The following ROR1 variants were observed in gnomAD, a reference collection of about 807,000 sequenced individuals.
ROR1 encodes ROR family WNT receptor 1.
Under a neutral mutation model 78.8 loss-of-function variants are expected in ROR1, and 19 were observed. The observed-to-expected ratio is 0.24, with a 90% CI of 0.17 to 0.35. The LOEUF is 0.35. ROR1 is among the 10% of genes least tolerant of loss of function. The pLI is 1.00. For synonymous variants in ROR1, 386 were observed against 433.6 expected (o/e 0.89, Z 1.36); for missense variants, 917 against 1,177.8 (o/e 0.78, Z 3.24).
intron 2 of ROR1, among the ~76,000 whole-genome samples, chr1:64,046,385 T>C (rs1039619397): frequency 6.6e-6 from 1 of 152,232 alleles, no homozygotes; most frequent in African/African-American, 2.4e-5. Context: ...ATTCCCTGTT[T>C]GTGGCAAGGC....
chr1:64,026,030 G>A (rs1646606644), intron 2 of ROR1, among the ~76,000 whole-genome samples: 1 of 152,128 alleles, frequency 6.6e-6, no homozygotes, highest in Admixed American at 6.6e-5. Context: ...TTTTTAAGTG[G>A]CGTTTCCTTC....
At chr1:63,884,957 T>A (rs1298043922) in intron 1 of ROR1, among the ~76,000 whole-genome samples, 1 of 152,072 alleles carries the variant, frequency 6.6e-6, no homozygotes, top group Non-Finnish European at 1.5e-5. Flanking sequence ...ATCCAAGCGC[T>A]GCTGCTCACC....
intron 1 of ROR1, among the ~76,000 whole-genome samples, chr1:63,958,102 C>T (rs1476081935): frequency 6.6e-6 from 1 of 152,170 alleles, no homozygotes; most frequent in African/African-American, 2.4e-5. Flanking sequence ...TTCTTTCTAA[C>T]AGCTGTATAG....
intron 1 of ROR1, among the ~76,000 whole-genome samples, chr1:63,884,296 G>A (rs1645342456): frequency 6.6e-6 from 1 of 152,190 alleles, no homozygotes; most frequent in South Asian, 2.1e-4. Flanking sequence ...TGTTCCTGGT[G>A]ACTCTTGGTA....
At chr1:64,016,747 A>G (rs894862467) in intron 2 of ROR1, among the ~76,000 whole-genome samples, 1 of 149,188 alleles carries the variant, frequency 6.7e-6, no homozygotes, top group Non-Finnish European at 1.5e-5. Flanking sequence ...ATATATATAT[A>G]TAAAGATTTT....
chr1:64,009,404 C>T (rs369954005), intron 2 of ROR1, 28 bp downstream of exon 2: 161 of 1,551,130 alleles, frequency 1.0e-4, no homozygotes, highest in East Asian at 6.7e-4. Flanking sequence ...ACAGGGGAGG[C>T]GAGGAAAGAG....
At chr1:64,128,291 CAAAAA>C (rs72429774) in intron 4 of ROR1, among the ~76,000 whole-genome samples, 80 of 101,280 alleles carry the variant, frequency 7.9e-4, no homozygotes, top group Non-Finnish European at 1.1e-3. Context: ...CCTGTCTCTA[CAAAAA>C]AAAAAAAAAA....
At chr1:64,066,863 T>C (rs906530826) in intron 4 of ROR1, 5 of 152,208 alleles carry the variant, frequency 3.3e-5, no homozygotes, top group African/African-American at 1.2e-4. Flanking sequence ...TTACCCGCTT[T>C]ATTCAGATAT....
At chr1:64,135,270 A>G (rs1649064567) in intron 4 of ROR1, among the ~76,000 whole-genome samples, 1 of 152,162 alleles carries the variant, frequency 6.6e-6, no homozygotes, top group African/African-American at 2.4e-5. Context: ...TCTTTTTAAG[A>G]GTCTTGAACT....
chr1:64,018,834 G>C (rs1214480088), intron 2 of ROR1, among the ~76,000 whole-genome samples: 3 of 152,188 alleles, frequency 2.0e-5, no homozygotes, highest in Admixed American at 6.5e-5. Flanking sequence ...AGTTACTTTA[G>C]AGTAGCTGTC....
intron 4 of ROR1, chr1:64,113,755 G>C (rs1483685120): frequency 6.7e-6 from 1 of 149,622 alleles, no homozygotes; most frequent in Non-Finnish European, 1.5e-5. Flanking sequence ...AAGAGACCCA[G>C]GTACCAATTT....
At chr1:63,911,513 G>T (rs1249583725) in intron 1 of ROR1, among the ~76,000 whole-genome samples, 1 of 152,050 alleles carries the variant, frequency 6.6e-6, no homozygotes, top group African/African-American at 2.4e-5. Context: ...GACCTAGGTT[G>T]TGTGATCCTT....
At chr1:64,049,030 A>G (rs149984526) in intron 2 of ROR1, among the ~76,000 whole-genome samples, 2,002 of 152,296 alleles carry the variant, frequency 0.013, 41 homozygotes, top group African/African-American at 0.046. Context: ...ATTGCACAGT[A>G]TTGTATATGA....
chr1:63,820,286 G>A (rs1332029131), intron 1 of ROR1, among the ~76,000 whole-genome samples: 1 of 152,132 alleles, frequency 6.6e-6, no homozygotes, highest in African/African-American at 2.4e-5. Context: ...CTGCAATCTG[G>A]CTGCATTTTC....
intron 4 of ROR1, among the ~76,000 whole-genome samples, chr1:64,060,793 A>G (rs948335238): frequency 1.3e-5 from 2 of 152,218 alleles, no homozygotes; most frequent in Non-Finnish European, 2.9e-5. Flanking sequence ...GAGAGATTAG[A>G]TAAGAAGGAT....
At chr1:64,017,473 G>C (rs916477124) in intron 2 of ROR1, among the ~76,000 whole-genome samples, 3 of 152,186 alleles carry the variant, frequency 2.0e-5, no homozygotes, top group African/African-American at 7.2e-5. Flanking sequence ...TCCGGAAATA[G>C]AGGGAAAATG....
chr1:63,894,802 A>G (rs1645426516), intron 1 of ROR1, among the ~76,000 whole-genome samples: 1 of 152,192 alleles, frequency 6.6e-6, no homozygotes, highest in African/African-American at 2.4e-5. Flanking sequence ...ACTGGTTTTC[A>G]TTTGAGTTGG....
intron 1 of ROR1, among the ~76,000 whole-genome samples, chr1:63,918,090 G>C (rs1645622731): frequency 6.6e-6 from 1 of 152,194 alleles, no homozygotes; most frequent in Non-Finnish European, 1.5e-5. Flanking sequence ...CATGCTTGTT[G>C]TTAGCCCTGA....
chr1:63,838,726 G>C (rs1036149942), intron 1 of ROR1, among the ~76,000 whole-genome samples: 2 of 152,118 alleles, frequency 1.3e-5, no homozygotes, highest in Admixed American at 1.3e-4. Flanking sequence ...AAAGCCTACA[G>C]TAGTGTATAG....
Sources: gnomAD v4.1 joint callset for allele counts (sites outside exome capture counted in the v4.1 genomes callset) on GRCh38, gnomAD v4.1.1 for gene constraint, MANE v1.5 for transcripts, NCBI Gene and HGNC (gene_info 2026-07-23, HGNC 2026-07-21) for gene names.